ULK4: variants seen among roughly 807,000 people sequenced by gnomAD.
ULK4 encodes the protein inactive serine/threonine-protein kinase ULK4.
A neutral mutation model predicts 160.6 loss-of-function variants in ULK4; 133 were observed. That is an observed-to-expected ratio of 0.83 (90% CI 0.72 to 0.96). ULK4 has a LOEUF of 0.96. ULK4 is among the 40% of genes least tolerant of loss of function. The pLI is 0.00. For missense variants in ULK4, 1,580 were observed against 1,499.5 expected (o/e 1.05, Z -0.89); for synonymous variants, 534 against 539.8 (o/e 0.99, Z 0.15).
At position 41,754,348 on chromosome 3, in the gene ULK4, G is replaced by A; in HGVS notation, c.2321+13C>T. The A allele has an allele frequency of 1.9e-6, 3 of 1,607,390 alleles. No homozygotes were observed. The highest frequency in any genetic ancestry group is 2.5e-6 in the Non-Finnish European group (3 of 1,177,706). ...ATTGAAGTTACTGATGAAACCATCA[G>A]AGAAAATCTTACCTTGCTTGGCAAC... is the stretch of plus-strand genomic sequence containing the variant. On this transcript the variant is annotated intron_variant, in intron 22 of 36. Transcript: ENST00000301831.
intron 19 of ULK4, among the ~76,000 whole-genome samples, chr3:41,803,148 G>T (rs566890758): frequency 7.7e-6 from 1 of 129,322 alleles, no homozygotes; most frequent in African/African-American, 3.9e-5. Flanking sequence ...TCCAGCCTGG[G>T]CTTACAGAGC....
intron 20 of ULK4, 107 bp downstream of exon 20, chr3:41,800,025 T>C: frequency 2.7e-6 from 3 of 1,115,926 alleles, no homozygotes; most frequent in Non-Finnish European, 3.6e-6. Flanking sequence ...ACTCTGAGAT[T>C]TCAGTTTCCT....
intron 21 of ULK4, among the ~76,000 whole-genome samples, chr3:41,788,826 T>C (rs2040069785): frequency 1.3e-5 from 2 of 152,222 alleles, no homozygotes; most frequent in South Asian, 4.1e-4. Flanking sequence ...CTGAAAATAT[T>C]TCTAAGTTTG....
At chr3:41,885,625 A>G (rs1180841635) in intron 16 of ULK4, among the ~76,000 whole-genome samples, 2 of 152,320 alleles carry the variant, frequency 1.3e-5, no homozygotes, top group Middle Eastern at 3.4e-3. Flanking sequence ...TCCACTAGAC[A>G]TGTGACTATC....
intron 19 of ULK4, 149 bp downstream of exon 19, chr3:41,819,274 T>TG (rs2125629484): frequency 1.6e-6 from 1 of 613,830 alleles, no homozygotes; most frequent in East Asian, 2.8e-5. Context: ...GTAGGTCACT[T>TG]GCTCATGGTA....
At chr3:41,636,598 T>C (rs2033958684) in intron 30 of ULK4, among the ~76,000 whole-genome samples, 1 of 151,758 alleles carries the variant, frequency 6.6e-6, no homozygotes, top group Non-Finnish European at 1.5e-5. Context: ...CTATTTTTAT[T>C]GTTGTTTTTT....
At chr3:41,337,443 G>C (rs375912480) in intron 35 of ULK4, among the ~76,000 whole-genome samples, 2 of 152,194 alleles carry the variant, frequency 1.3e-5, no homozygotes, top group East Asian at 3.9e-4. Context: ...AGGATGAAGG[G>C]AGGGGGATGA....
chr3:41,434,004 G>A (rs141447679), intron 34 of ULK4, among the ~76,000 whole-genome samples: 12 of 152,234 alleles, frequency 7.9e-5, no homozygotes, highest in East Asian at 3.9e-4. Context: ...TTACAGGCGT[G>A]AGCCACCACA....
rs191065930 is a variant in ULK4 at position 41,905,479 on chromosome 3, G to A, written c.1182+2366C>T. On this transcript the variant is annotated intron_variant, in intron 12 of 36. Transcript: ENST00000301831. ...AGCACAAGCAGCAAAAAACACAAAC[G>A]AAAAAAGATAAATTGGACTATATCA... Among the ~76,000 whole-genome samples the A allele has an allele frequency of 7.1e-3, 1,058 of 149,832 alleles. 11 individuals are homozygous for A. The highest frequency in any genetic ancestry group is 0.026 in the African/African-American group (1,014 of 39,552).
chr3:41,839,269 G>A (rs184178813), intron 17 of ULK4, among the ~76,000 whole-genome samples: 1 of 152,000 alleles, frequency 6.6e-6, no homozygotes, highest in Non-Finnish European at 1.5e-5. Flanking sequence ...GAACCTGGGA[G>A]GTGGAGGTTA....
intron 16 of ULK4, among the ~76,000 whole-genome samples, chr3:41,888,847 T>A (rs1697818757): frequency 6.6e-6 from 1 of 152,222 alleles, no homozygotes; most frequent in Non-Finnish European, 1.5e-5. Context: ...CCAGCCTGCC[T>A]ACCTGATCTT....
intron 17 of ULK4, among the ~76,000 whole-genome samples, chr3:41,865,726 A>T (rs1225601005): frequency 6.6e-6 from 1 of 152,182 alleles, no homozygotes; most frequent in African/African-American, 2.4e-5. Context: ...GGATACCAAA[A>T]AATTTTTTTA....
intron 30 of ULK4, among the ~76,000 whole-genome samples, chr3:41,662,669 C>T (rs757963988): frequency 6.6e-6 from 1 of 152,156 alleles, no homozygotes; most frequent in African/African-American, 2.4e-5. Flanking sequence ...TGGAGATGCA[C>T]TGCACCTACA....
chr3:41,780,870 G>A (rs967088499), intron 21 of ULK4, among the ~76,000 whole-genome samples: 1 of 151,978 alleles, frequency 6.6e-6, no homozygotes, highest in South Asian at 2.1e-4. Context: ...TGGTCTTATC[G>A]GGTTCCCAGA....
At chr3:41,474,141 G>A (rs2084072201) in intron 32 of ULK4, among the ~76,000 whole-genome samples, 1 of 152,142 alleles carries the variant, frequency 6.6e-6, no homozygotes, top group African/African-American at 2.4e-5. Flanking sequence ...TAAAAAGCAT[G>A]GTACTGGCAT....
chr3:41,706,391 TATATTAA>T (rs2036886290), intron 25 of ULK4, among the ~76,000 whole-genome samples: 1 of 146,298 alleles, frequency 6.8e-6, no homozygotes, highest in Non-Finnish European at 1.5e-5. Flanking sequence ...TATATTTATA[TATATTAA>T]ATATATATAA....
intron 17 of ULK4, among the ~76,000 whole-genome samples, chr3:41,858,098 T>C (rs1419867488): frequency 1.3e-5 from 2 of 151,582 alleles, no homozygotes; most frequent in South Asian, 2.1e-4. Context: ...AGCTATAAAA[T>C]TACCTCTGAG....
At chr3:41,785,370 G>A (rs904600737) in intron 21 of ULK4, among the ~76,000 whole-genome samples, 9 of 152,148 alleles carry the variant, frequency 5.9e-5, no homozygotes, top group Admixed American at 2.0e-4. Context: ...ATGCATAGAC[G>A]CAGACAGAAA....
chr3:41,616,362 G>A (rs973547389), intron 30 of ULK4, among the ~76,000 whole-genome samples: 1 of 152,110 alleles, frequency 6.6e-6, no homozygotes, highest in African/African-American at 2.4e-5. Context: ...CAAGATGGCC[G>A]AATAGAAACA....
Sources: gnomAD v4.1 joint callset for allele counts (sites outside exome capture counted in the v4.1 genomes callset) on GRCh38, gnomAD v4.1.1 for gene constraint, MANE v1.5 for transcripts, NCBI Gene and HGNC (gene_info 2026-07-23, HGNC 2026-07-21) for gene names.